Variants in CAPN13 observed in about 807,000 individuals in gnomAD.
CAPN13 encodes the protein calpain-13.
Under a neutral mutation model 98.4 loss-of-function variants are expected in CAPN13, and 90 were observed. The ratio of observed to expected loss-of-function variants is 0.92; its 90% CI spans 0.77 to 1.09. CAPN13 has a LOEUF of 1.09. Ranked by LOEUF, CAPN13 falls within the 50% of genes least tolerant of loss-of-function variation. The pLI is 0.00. For missense variants in CAPN13, 887 were observed against 841.3 expected (o/e 1.05, Z -0.67); for synonymous variants, 330 against 305.5 (o/e 1.08, Z -0.84).
intron 1 of CAPN13, among the ~76,000 whole-genome samples, chr2:30,798,115 G>A (rs1037539150): frequency 6.6e-6 from 1 of 152,266 alleles, no homozygotes; most frequent in African/African-American, 2.4e-5. Flanking sequence ...CTAATACAGT[G>A]GCCACTGGCC....
rs1402096682 is a variant in CAPN13, at chr2:30,770,439, C to T, written c.398G>A (p.Cys133Tyr). Reference protein sequence around the residue: ...AGIFRFRFWQCGQWVEVVIDD... With the variant: ...AGIFRFRFWQYGQWVEVVIDD... ...AATCACCACTTCCACCCACTGGCCA[C>T]ATTGCCAGAACTGGAAGAGAGCCAA... The change falls in exon 5 of 23, where the codon TGT becomes TAT. Residue 133 changes from cysteine to tyrosine, a missense_variant. Cys to Tyr is a radical substitution (Grantham distance 194). Coordinates refer to ENST00000295055, the MANE Select transcript of CAPN13 (RefSeq NM_144575.3). 3.1e-6 allele frequency: 5 copies of T among 1,613,726 alleles called. No individual in the cohort carries two copies. Among genetic ancestry groups the T allele is most frequent in the Non-Finnish European group, 4.2e-6 (5 of 1,179,764 alleles).
chr2:30,741,512 A>G, intron 15 of CAPN13: 1 of 1,051,784 alleles, frequency 9.5e-7, no homozygotes, highest in Non-Finnish European at 1.1e-6. Context: ...AGGATGCTGT[A>G]TGTGCTTTCT....
chr2:30,788,773 A>T (rs1354688676), intron 1 of CAPN13, among the ~76,000 whole-genome samples: 2 of 152,366 alleles, frequency 1.3e-5, no homozygotes, highest in Non-Finnish European at 1.5e-5. Context: ...TTGTAATAGC[A>T]TGTGGCAAGT....
intron 7 of CAPN13, among the ~76,000 whole-genome samples, chr2:30,758,805 TCCCTTCCCTTCCTCCC>T (rs1672616761): frequency 2.5e-5 from 2 of 80,706 alleles, no homozygotes; most frequent in Non-Finnish European, 2.3e-5. Flanking sequence ...CCTTCCTCCC[TCCCTTCCCTTCCTCCC>T]TTCCTTCCTC....
intron 19 of CAPN13, among the ~76,000 whole-genome samples, chr2:30,734,133 C>T (rs529966671): frequency 1.3e-3 from 191 of 152,324 alleles, no homozygotes; most frequent in South Asian, 4.6e-3. Flanking sequence ...GCTGGAAGCG[C>T]GTCTCCAAGG....
At chr2:30,793,495 T>C (rs186105424) in intron 1 of CAPN13, among the ~76,000 whole-genome samples, 1 of 151,790 alleles carries the variant, frequency 6.6e-6, no homozygotes, top group East Asian at 1.9e-4. Flanking sequence ...GGCTCAATAC[T>C]GCCAAGATGG....
chr2:30,727,451 C>G (rs373368708), intron 22 of CAPN13, among the ~76,000 whole-genome samples: 68 of 152,138 alleles, frequency 4.5e-4, no homozygotes, highest in African/African-American at 1.5e-3. Flanking sequence ...CAAAGAACAT[C>G]TATAACTCCT....
chr2:30,800,115 GAAAA>G (rs1324199457), intron 1 of CAPN13, among the ~76,000 whole-genome samples: 3 of 54,718 alleles, frequency 5.5e-5, no homozygotes, highest in Non-Finnish European at 7.6e-5. Context: ...AGAAAAGAAA[GAAAA>G]GAAAGAAAGA....
rs75312698 is a variant in CAPN13 at position 30,734,094 on chromosome 2, G to C, written c.1798+355C>G. On this transcript the variant is annotated intron_variant, in intron 19 of 22. Coordinates refer to ENST00000295055, the MANE Select transcript of CAPN13 (RefSeq NM_144575.3). Reference sequence around the variant, plus strand: ...AGAGCGATCATCAGCTAGCCTGTGGGTATTTAACCCTGATGGCCCAGATAC... The same window carrying C: ...AGAGCGATCATCAGCTAGCCTGTGGCTATTTAACCCTGATGGCCCAGATAC... Among the ~76,000 whole-genome samples, 1,382 of 152,306 alleles carry C rather than the reference G, an allele frequency of 9.1e-3. 16 individuals carry two copies. Among genetic ancestry groups the C allele is most frequent in the African/African-American group, 0.031 (1,303 of 41,554 alleles).
At chr2:30,774,426 C>T (rs528200020) in intron 4 of CAPN13, among the ~76,000 whole-genome samples, 4 of 151,610 alleles carry the variant, frequency 2.6e-5, no homozygotes, top group Admixed American at 6.6e-5. Context: ...TAAAGAAAAG[C>T]GGAATTAAGA....
intron 17 of CAPN13, chr2:30,737,365 GA>G (rs1426124917): frequency 6.6e-6 from 1 of 152,572 alleles, no homozygotes; most frequent in African/African-American, 2.4e-5. Flanking sequence ...CGTCTCAGGA[GA>G]CAGCACACTG....
At chr2:30,806,231 G>A (rs145353611) in intron 1 of CAPN13, 2 of 152,294 alleles carry the variant, frequency 1.3e-5, no homozygotes, top group East Asian at 1.9e-4. Flanking sequence ...ATAAACTTTT[G>A]CAGCAAGTCA....
At chr2:30,762,103 G>T (rs142333478) in intron 7 of CAPN13, among the ~76,000 whole-genome samples, 1 of 152,312 alleles carries the variant, frequency 6.6e-6, no homozygotes, top group Non-Finnish European at 1.5e-5. Context: ...TGCTGTCACC[G>T]CAAGTGTGGT....
At chr2:30,760,251 A>G (rs1672775105) in intron 7 of CAPN13, among the ~76,000 whole-genome samples, 2 of 152,086 alleles carry the variant, frequency 1.3e-5, no homozygotes, top group Admixed American at 6.5e-5. Flanking sequence ...ATGCCCGGCT[A>G]ATCTTTTGTA....
At chr2:30,791,587 T>C (rs1674608508) in intron 1 of CAPN13, among the ~76,000 whole-genome samples, 1 of 152,260 alleles carries the variant, frequency 6.6e-6, no homozygotes, top group Non-Finnish European at 1.5e-5. Flanking sequence ...AACTTAAGTT[T>C]GCTCCCAGTG....
At chr2:30,755,506 G>A (rs1672399901) in intron 8 of CAPN13, among the ~76,000 whole-genome samples, 3 of 152,076 alleles carry the variant, frequency 2.0e-5, no homozygotes, top group South Asian at 2.1e-4. Context: ...TGCCCACTTC[G>A]TTGGAACGAT....
intron 2 of CAPN13, among the ~76,000 whole-genome samples, chr2:30,781,677 C>T (rs1440832303): frequency 6.6e-6 from 1 of 152,168 alleles, no homozygotes; most frequent in Non-Finnish European, 1.5e-5. Flanking sequence ...TGGCCTCCCA[C>T]TCAGATTTAA....
intron 22 of CAPN13, among the ~76,000 whole-genome samples, chr2:30,728,900 T>C (rs942578310): frequency 3.3e-5 from 5 of 152,156 alleles, no homozygotes; most frequent in African/African-American, 4.8e-5. Flanking sequence ...AGTGAGAATA[T>C]GTAGACAATG....
At chr2:30,784,656 G>A (rs1222590977) in intron 2 of CAPN13, among the ~76,000 whole-genome samples, 1 of 152,152 alleles carries the variant, frequency 6.6e-6, no homozygotes, top group Admixed American at 6.5e-5. Flanking sequence ...CTTATGATGA[G>A]GCCTTACAAG....
Sources: gnomAD v4.1 joint callset for allele counts (sites outside exome capture counted in the v4.1 genomes callset) on GRCh38, gnomAD v4.1.1 for gene constraint, MANE v1.5 for transcripts, NCBI Gene and HGNC (gene_info 2026-07-23, HGNC 2026-07-21) for gene names.